The following ZNF248 variants were observed in gnomAD, a reference collection of about 807,000 sequenced individuals.
ZNF248 encodes zinc finger protein 248, also known as KRAB protein domain.
ZNF248 carries 20 observed loss-of-function variants against 44.3 expected under a neutral mutation model. The ratio of observed to expected loss-of-function variants is 0.45; its 90% CI spans 0.32 to 0.66. The LOEUF (loss-of-function observed/expected upper bound fraction) is 0.66. ZNF248 is among the 30% of genes least tolerant of loss of function. The pLI, the probability that ZNF248 is intolerant of heterozygous loss-of-function variation, is 0.04. For missense variants in ZNF248, 654 were observed against 677.0 expected (o/e 0.97, Z 0.38); for synonymous variants, 224 against 229.0 (o/e 0.98, Z 0.20).
In ZNF248 at chr10:37,820,683, T is replaced by A. The variant is rs1027547043; in HGVS notation, c.330+12342A>T. The stretch of plus-strand genomic sequence containing the variant: ...CACTTTCGCTGGTCATTCTGCTTTT[T>A]CTCGGGAGTCTCTACTTCTTTATCA... On this transcript the variant is annotated intron_variant, in intron 6 of 6. Coordinates refer to the ZNF248 transcript ENST00000615949. 2.9e-6 allele frequency: 4 copies of A among 1,381,600 alleles called. No homozygotes were observed. In the African/African-American group the frequency reaches 4.3e-5, roughly 15 times the overall value. 85.6% of individuals were successfully genotyped at this position (1,381,600 alleles called of 1,614,324 possible).
chr10:37,852,321 A>T (rs1485159199), intron 3 of ZNF248, among the ~76,000 whole-genome samples: 2 of 152,196 alleles, frequency 1.3e-5, no homozygotes, highest in Non-Finnish European at 1.5e-5. Flanking sequence ...CTGTTGACAC[A>T]TATACAACCC....
chr10:37,857,540 A>G lies in ZNF248; in HGVS notation c.-481T>C, dbSNP rs2061512347. 1 of 152,260 alleles carries G rather than the reference A, an allele frequency of 6.6e-6. No homozygotes were observed. The highest frequency in any genetic ancestry group is 2.4e-5 in the African/African-American group (1 of 41,466). 9.4% of individuals were successfully genotyped at this position (152,260 alleles called of 1,614,324 possible). A position where few individuals can be genotyped will look rare whatever the true frequency, so the allele number is the denominator to read the frequency against. ...CCGTAATTTACAGAGAGGAAAACCG[A>G]GTCTCCCGTGGATAATTGTGTCTAA... On this transcript the variant is annotated 5_prime_UTR_variant, in exon 1 of 6. Transcript: ENST00000395867.
intron 6 of ZNF248, chr10:37,784,265 T>C (rs1440810451): frequency 2.6e-5 from 4 of 152,318 alleles, no homozygotes; most frequent in African/African-American, 9.6e-5. Flanking sequence ...AAAGGCCAGA[T>C]GTTAGAGTCC....
chr10:37,821,616 C>T (rs1025803576), intron 6 of ZNF248, among the ~76,000 whole-genome samples: 2 of 152,196 alleles, frequency 1.3e-5, no homozygotes, highest in African/African-American at 4.8e-5. Context: ...ACACAGGGAG[C>T]TTTCCTCAAA....
At chr10:37,771,805 G>A (rs998058595), downstream of ZNF248, among the ~76,000 whole-genome samples, 2 of 151,534 alleles carry the variant, frequency 1.3e-5, no homozygotes, top group Non-Finnish European at 2.9e-5. Flanking sequence ...AAAAACAATC[G>A]ATGCACACCA....
rs759104035 is a variant in ZNF248, at chr10:37,830,257, C to G, written c.*1358G>C. 4.9e-4 allele frequency: 483 copies of G among 985,258 alleles called. 1 individual carries two copies. Among genetic ancestry groups the G allele is most frequent in the Non-Finnish European group, 5.5e-4 (453 of 829,908 alleles). 61.0% of individuals were successfully genotyped at this position (985,258 alleles called of 1,614,324 possible). A position where few individuals can be genotyped will look rare whatever the true frequency, so the allele number is the denominator to read the frequency against. ...AACAACATTTACATTACAGAATGACCCAGAGGTAGCTGAAAAACCTCAGAA... is the reference window on the plus strand; with the variant it reads ...AACAACATTTACATTACAGAATGACGCAGAGGTAGCTGAAAAACCTCAGAA... On this transcript the variant is annotated 3_prime_UTR_variant, in exon 6 of 6. Coordinates refer to ENST00000395867, the MANE Select transcript of ZNF248 (RefSeq NM_021045.3).
intron 3 of ZNF248, among the ~76,000 whole-genome samples, chr10:37,838,555 G>T (rs1449094093): frequency 6.6e-6 from 1 of 152,122 alleles, no homozygotes; most frequent in African/African-American, 2.4e-5. Flanking sequence ...ATATGACCAA[G>T]CTCAGCACAT....
At chr10:37,816,039 C>T (rs556058157) in intron 6 of ZNF248, among the ~76,000 whole-genome samples, 16 of 149,502 alleles carry the variant, frequency 1.1e-4, no homozygotes, top group African/African-American at 3.2e-4. Context: ...GGGGAAAGCA[C>T]GAAGTCTTTA....
At chr10:37,789,174 T>C (rs1468611816) in intron 6 of ZNF248, among the ~76,000 whole-genome samples, 2 of 152,190 alleles carry the variant, frequency 1.3e-5, no homozygotes, top group South Asian at 2.1e-4. Flanking sequence ...AAGGAATGTT[T>C]TTGGGTGATA....
chr10:37,796,697 C>CTTT (rs200137373), intron 6 of ZNF248, among the ~76,000 whole-genome samples: 1 of 141,646 alleles, frequency 7.1e-6, no homozygotes, highest in African/African-American at 2.6e-5. Context: ...TCTAGGTTAC[C>CTTT]TTTTTTTTTT....
chr10:37,846,592 G>A (rs377274357), intron 3 of ZNF248, among the ~76,000 whole-genome samples: 136 of 152,272 alleles, frequency 8.9e-4, no homozygotes, highest in Non-Finnish European at 1.7e-3. Flanking sequence ...GCTGGAGTGA[G>A]CCATGACTGA....
chr10:37,847,117 C>A (rs1403643337), intron 3 of ZNF248, among the ~76,000 whole-genome samples: 1 of 152,168 alleles, frequency 6.6e-6, no homozygotes, highest in East Asian at 1.9e-4. Context: ...CTCACTGCAA[C>A]CTCCACTTCC....
intron 3 of ZNF248, among the ~76,000 whole-genome samples, chr10:37,846,206 C>T (rs1228065196): frequency 2.6e-5 from 4 of 152,180 alleles, no homozygotes; most frequent in African/African-American, 7.2e-5. Flanking sequence ...TTAGCTTTTT[C>T]TGTGTGCTTG....
chr10:37,795,854 C>A (rs573341124), intron 6 of ZNF248: 1 of 152,128 alleles, frequency 6.6e-6, no homozygotes, highest in Non-Finnish European at 1.5e-5. Context: ...ATGCCTTCCA[C>A]GTAAAGTCTT....
chr10:37,761,080 T>C, the ZNF248 span, among the ~76,000 whole-genome samples: 1 of 152,166 alleles, frequency 6.6e-6, no homozygotes, highest in South Asian at 2.1e-4. Flanking sequence ...CAAATGTCCA[T>C]ATGGTAACTT....
At chr10:37,768,915 C>A in the ZNF248 span, among the ~76,000 whole-genome samples, 3 of 151,848 alleles carry the variant, frequency 2.0e-5, no homozygotes, top group East Asian at 1.9e-4. Context: ...ATCAAACAGA[C>A]GCAATAAAAA....
chr10:37,836,700 C>T (rs991107123), intron 5 of ZNF248, among the ~76,000 whole-genome samples: 5 of 152,070 alleles, frequency 3.3e-5, no homozygotes, highest in African/African-American at 1.2e-4. Context: ...TGACCCAACA[C>T]AGTGTGTGTG....
chr10:37,765,208 C>T, the ZNF248 span, among the ~76,000 whole-genome samples: 269 of 152,224 alleles, frequency 1.8e-3, no homozygotes, highest in East Asian at 6.6e-3. Context: ...CTGCCCACCT[C>T]GGCCTCCCAA....
Position 37,829,687 on chromosome 10 carries a change from C to T in ZNF248, c.*1928G>A. ...GTGCACTGTTATCTTCAGGCTACTG[C>T]CCTTCAGAGATAAAAACGATAAGCC... is the stretch of plus-strand genomic sequence containing the variant. On this transcript the variant is annotated 3_prime_UTR_variant, in exon 6 of 6. Coordinates refer to ENST00000395867, the MANE Select transcript of ZNF248 (RefSeq NM_021045.3). The T allele has an allele frequency of 1.0e-6, 1 of 985,388 alleles. No individual in the cohort carries two copies. Among genetic ancestry groups the T allele is most frequent in the Non-Finnish European group, 1.2e-6 (1 of 829,948 alleles). 61.0% of individuals were successfully genotyped at this position (985,388 alleles called of 1,614,324 possible). A position where few individuals can be genotyped will look rare whatever the true frequency, so the allele number is the denominator to read the frequency against.
Sources: gnomAD v4.1 joint callset for allele counts (sites outside exome capture counted in the v4.1 genomes callset) on GRCh38, gnomAD v4.1.1 for gene constraint, MANE v1.5 for transcripts, NCBI Gene and HGNC (gene_info 2026-07-23, HGNC 2026-07-21) for gene names.